KALRN: variants seen among roughly 807,000 people sequenced by gnomAD.
KALRN encodes the protein kalirin RhoGEF kinase.
In KALRN, 70 loss-of-function variants were observed where a neutral mutation model predicts 353.7. The ratio of observed to expected loss-of-function variants is 0.20; its 90% confidence interval spans 0.16 to 0.24. The LOEUF (loss-of-function observed/expected upper bound fraction) is 0.24. KALRN is among the 10% of genes least tolerant of loss of function. The probability of loss-of-function intolerance (pLI) is 1.00; values close to 1 mark genes in which losing one functional copy is unlikely to be tolerated. For synonymous variants in KALRN, 1,391 were observed against 1,434.8 expected (o/e 0.97, Z 0.69); for missense variants, 2,791 against 3,756.7 (o/e 0.74, Z 6.72).
chr3:124,271,852 C>T (rs1033650834), intron 5 of KALRN, among the ~76,000 whole-genome samples: 2 of 152,226 alleles, frequency 1.3e-5, no homozygotes, highest in Non-Finnish European at 2.9e-5. Flanking sequence ...TGGACCCCTT[C>T]TCAGAATAAC....
At chr3:124,567,022 A>G (rs1465954293) in intron 34 of KALRN, among the ~76,000 whole-genome samples, 2 of 152,232 alleles carry the variant, frequency 1.3e-5, no homozygotes, top group East Asian at 3.9e-4. Flanking sequence ...AAATGGGGAC[A>G]AAAGAACCAC....
intron 10 of KALRN, among the ~76,000 whole-genome samples, chr3:124,361,847 G>T (rs1403038530): frequency 6.6e-6 from 1 of 151,924 alleles, no homozygotes; most frequent in Non-Finnish European, 1.5e-5. Flanking sequence ...AGTGGGGGTG[G>T]GGAGTAGTGA....
At chr3:124,293,824 A>G (rs1270356148) in intron 5 of KALRN, among the ~76,000 whole-genome samples, 2 of 152,200 alleles carry the variant, frequency 1.3e-5, no homozygotes, top group Non-Finnish European at 2.9e-5. Flanking sequence ...GTTTGAAGGC[A>G]CTTTGGAGAT....
At chr3:124,100,574 TAGGGAAACCCTTC>T (rs2061781464) in intron 1 of KALRN, 1 of 152,188 alleles carries the variant, frequency 6.6e-6, no homozygotes, top group Non-Finnish European at 1.5e-5. Context: ...GAAGAAAACA[TAGGGAAACCCTTC>T]AGGATATTAG....
rs1286736834 is a variant in KALRN, at chr3:124,227,672, T to G, written c.74-318T>G. Among the ~76,000 whole-genome samples the G allele has an allele frequency of 1.9e-4, 4 of 20,796 alleles. No individual in the cohort carries two copies. In the East Asian group the frequency reaches 2.1e-3, roughly 11 times the overall value. 13.6% of individuals were successfully genotyped at this position (20,796 alleles called of 152,430 possible). ...CAATAGCAACAGGGCTGTTTTTTTT[T>G]TTTTTTTTTTTTTTTTTTTTTTTTT... On this transcript the variant is annotated intron_variant, in intron 1 of 59. Coordinates refer to ENST00000682506, the MANE Select transcript of KALRN (RefSeq NM_001388419.1).
chr3:124,566,353 A>G (rs774884180), intron 34 of KALRN, among the ~76,000 whole-genome samples: 19 of 152,086 alleles, frequency 1.2e-4, no homozygotes, highest in African/African-American at 4.3e-4. Context: ...AAATTTAAAA[A>G]TTAGCCAGGT....
Position 124,334,574 on chromosome 3 carries a change from G to A in KALRN, c.1647+79G>A. The A allele has an allele frequency of 1.1e-6, 1 of 947,362 alleles. No individual in the cohort carries two copies. The highest frequency in any genetic ancestry group is 1.6e-6 in the Non-Finnish European group (1 of 623,956). The allele number at this position is 947,362 out of a possible 1,614,324, so 58.7% of individuals were successfully genotyped here. Reference sequence around the variant, plus strand: ...CTCAAGTCCCTGACCTAGGTGATCAGGCTTAGGAGAGCCCAGATTTATAGA... The same window carrying A: ...CTCAAGTCCCTGACCTAGGTGATCAAGCTTAGGAGAGCCCAGATTTATAGA... On this transcript the variant is annotated intron_variant, in intron 9 of 59. Transcript: ENST00000682506. This position sits in a 1 kb window ranked among gnomAD's most constrained non-coding sequence, Gnocchi z 4.2.
intron 33 of KALRN, among the ~76,000 whole-genome samples, chr3:124,556,896 A>T (rs949911547): frequency 3.3e-5 from 5 of 152,186 alleles, no homozygotes; most frequent in Non-Finnish European, 4.4e-5. Context: ...GTTGTTGATG[A>T]TGTTCACACA....
At chr3:124,692,076 T>C (rs1409145253) in intron 51 of KALRN, among the ~76,000 whole-genome samples, 1 of 152,192 alleles carries the variant, frequency 6.6e-6, no homozygotes, top group African/African-American at 2.4e-5. Context: ...GTTGATTCGC[T>C]TTAGAGAGTT....
At chr3:124,717,095 C>T (rs1000868436) in intron 58 of KALRN, 152 bp from the exon 59 acceptor site, 1 of 553,542 alleles carries the variant, frequency 1.8e-6, no homozygotes, top group African/African-American at 1.9e-5. Context: ...TAACTTTAGG[C>T]TCTAACTAAA....
chr3:124,106,118 T>A (rs906642475), intron 1 of KALRN, among the ~76,000 whole-genome samples: 2 of 152,126 alleles, frequency 1.3e-5, no homozygotes, highest in African/African-American at 4.8e-5. Flanking sequence ...AGTGAAGCAG[T>A]GACCTGGAGG....
At position 124,456,663 on chromosome 3, in the gene KALRN, G is replaced by C. The variant is rs2059332346; in HGVS notation, c.3789G>C (p.Glu1263Asp). 1 of 1,613,360 alleles carries C rather than the reference G, an allele frequency of 6.2e-7. No individual in the cohort carries two copies. ...DIIPASLSDREVKLRDANHEV... is the reference protein window; with the variant it reads ...DIIPASLSDRDVKLRDANHEV... ...TCCCAGCAAGCCTTTCGGATCGGGA[G>C]GTCAAGCTGCGGGACGCCAACCACG... is the stretch of plus-strand genomic sequence containing the variant. Residue 1263 changes from glutamate to aspartate, a missense_variant, in exon 23 of 60, where the codon GAG becomes GAC. Coordinates refer to ENST00000682506, the MANE Select transcript of KALRN (RefSeq NM_001388419.1).
At chr3:124,344,775 G>T (rs1330575241) in intron 9 of KALRN, among the ~76,000 whole-genome samples, 4 of 152,252 alleles carry the variant, frequency 2.6e-5, no homozygotes, top group South Asian at 2.1e-4. Flanking sequence ...TGAAGTAAAA[G>T]CTTCTCAAAT....
intron 1 of KALRN, among the ~76,000 whole-genome samples, chr3:124,131,462 A>G (rs899590592): frequency 3.9e-5 from 6 of 152,208 alleles, no homozygotes; most frequent in African/African-American, 1.4e-4. Flanking sequence ...GGAGTTTTTG[A>G]AAAACATTAA....
At chr3:124,188,247 T>C (rs1468147039) in intron 1 of KALRN, among the ~76,000 whole-genome samples, 1 of 151,870 alleles carries the variant, frequency 6.6e-6, no homozygotes, top group Non-Finnish European at 1.5e-5. Context: ...AGGTCTGGGG[T>C]TGGGGGAGGA....
At chr3:124,368,834 C>T (rs570076969) in intron 10 of KALRN, among the ~76,000 whole-genome samples, 1,922 of 152,288 alleles carry the variant, frequency 0.013, 35 homozygotes, top group African/African-American at 0.043. Flanking sequence ...CCGAGGCTGG[C>T]GGATCACTCG....
At chr3:124,438,187 C>A (rs913725850) in intron 17 of KALRN, among the ~76,000 whole-genome samples, 6 of 152,158 alleles carry the variant, frequency 3.9e-5, no homozygotes, top group African/African-American at 1.4e-4. Context: ...TCCCTCCAAA[C>A]TCCCTTCAAA....
intron 1 of KALRN, among the ~76,000 whole-genome samples, chr3:124,044,883 T>C (rs970807178): frequency 4.4e-5 from 1 of 22,764 alleles, no homozygotes. Context: ...CCTTCCTTCC[T>C]TCCTTCCTTC....
chr3:124,328,966 A>T (rs2080217749), intron 7 of KALRN, among the ~76,000 whole-genome samples: 1 of 152,172 alleles, frequency 6.6e-6, no homozygotes, highest in African/African-American at 2.4e-5. Context: ...TATTGTCCTC[A>T]TATGGGCTGT....
Sources: allele counts gnomAD v4.1 joint callset (sites outside exome capture counted in the v4.1 genomes callset), GRCh38; gene constraint gnomAD v4.1.1; non-coding constraint Gnocchi (gnomAD v3.1); transcripts MANE v1.5; gene names NCBI Gene and HGNC (gene_info 2026-07-23, HGNC 2026-07-21).